The following RGS8 variants were observed in gnomAD, a reference collection of about 807,000 sequenced individuals.
RGS8 encodes regulator of G protein signaling 8, also known as regulator of G-protein signaling 8.
Under a neutral mutation model 21.7 loss-of-function variants are expected in RGS8, and 8 were observed. That is an observed-to-expected ratio of 0.37 (90% CI 0.22 to 0.66). RGS8 has a LOEUF of 0.66. Ranked by LOEUF, RGS8 falls within the 30% of genes least tolerant of loss-of-function variation. The probability of loss-of-function intolerance (pLI) is 0.59; values close to 1 mark genes in which losing one functional copy is unlikely to be tolerated. For synonymous variants in RGS8, 80 were observed against 83.6 expected (o/e 0.96, Z 0.24); for missense variants, 157 against 217.9 (o/e 0.72, Z 1.76).
chr1:182,739,974 A>C, the RGS8 span, among the ~76,000 whole-genome samples: 3 of 151,656 alleles, frequency 2.0e-5, no homozygotes, highest in Admixed American at 6.6e-5. Flanking sequence ...CCAACACCCA[A>C]CCCCCAACCC....
the RGS8 span, among the ~76,000 whole-genome samples, chr1:182,731,727 C>A: frequency 1.3e-5 from 2 of 152,168 alleles, no homozygotes; most frequent in African/African-American, 4.8e-5. Context: ...AATGAAAACA[C>A]AAAATTTAGA....
At chr1:182,674,729 A>T (rs2102450590), upstream of RGS8, among the ~76,000 whole-genome samples, 1 of 152,164 alleles carries the variant, frequency 6.6e-6, no homozygotes, top group South Asian at 2.1e-4. Flanking sequence ...ATCACCTTGG[A>T]CTCTACATTC....
At chr1:182,649,505 T>C (rs1355773884) in intron 5 of RGS8, among the ~76,000 whole-genome samples, 1 of 140,302 alleles carries the variant, frequency 7.1e-6, no homozygotes, top group East Asian at 2.5e-4. Context: ...TATCAAATTA[T>C]GTTTTAATTA....
upstream of RGS8, among the ~76,000 whole-genome samples, chr1:182,689,442 T>C (rs1191639789): frequency 6.6e-6 from 1 of 152,092 alleles, no homozygotes; most frequent in East Asian, 1.9e-4. Flanking sequence ...CTTTCTTTGC[T>C]CTCCTATACA....
chr1:182,676,200 T>C (rs576229338), upstream of RGS8, among the ~76,000 whole-genome samples: 5 of 152,306 alleles, frequency 3.3e-5, no homozygotes, highest in South Asian at 2.1e-4. Flanking sequence ...GAGAATGTAA[T>C]TAAATTGAAG....
intron 1 of RGS8, 41 bp from the exon 3 acceptor site, chr1:182,671,771 C>T (rs1262786991): frequency 1.2e-5 from 20 of 1,612,856 alleles, no homozygotes; most frequent in African/African-American, 6.7e-5. Context: ...GTCAAATCCT[C>T]GGCGAGTGAA....
the RGS8 span, among the ~76,000 whole-genome samples, chr1:182,745,990 A>C: frequency 1.3e-5 from 2 of 152,154 alleles, no homozygotes; most frequent in Admixed American, 1.3e-4. Context: ...CCCTATCCTG[A>C]CCTTCTTTTA....
chr1:182,730,217 A>G, the RGS8 span, among the ~76,000 whole-genome samples: 5 of 152,192 alleles, frequency 3.3e-5, no homozygotes, highest in African/African-American at 1.2e-4. Context: ...TCTGCTATCC[A>G]TAAGACACTC....
chr1:182,735,764 A>G, the RGS8 span, among the ~76,000 whole-genome samples: 1 of 152,238 alleles, frequency 6.6e-6, no homozygotes, highest in Non-Finnish European at 1.5e-5. Flanking sequence ...CAAGAGATGT[A>G]TCTGAAGGCA....
chr1:182,656,232 C>T (rs981973430), intron 5 of RGS8, among the ~76,000 whole-genome samples: 1 of 152,206 alleles, frequency 6.6e-6, no homozygotes, highest in Non-Finnish European at 1.5e-5. Context: ...TTCGGAGCCA[C>T]CCTCCTCTCT....
At chr1:182,660,225 C>G (rs1663520377) in intron 5 of RGS8, among the ~76,000 whole-genome samples, 1 of 152,146 alleles carries the variant, frequency 6.6e-6, no homozygotes, top group Non-Finnish European at 1.5e-5. Flanking sequence ...CTCATCATTC[C>G]CCTTCTACAG....
chr1:182,751,150 A>T, the RGS8 span, among the ~76,000 whole-genome samples: 662 of 152,348 alleles, frequency 4.3e-3, 4 homozygotes, highest in African/African-American at 0.015. Context: ...AGATAGAACT[A>T]AACAGAAAGA....
At chr1:182,734,065 C>G in the RGS8 span, among the ~76,000 whole-genome samples, 1 of 151,814 alleles carries the variant, frequency 6.6e-6, no homozygotes, top group Non-Finnish European at 1.5e-5. Flanking sequence ...GGATTACAGG[C>G]GCCTGCCACC....
downstream of RGS8, chr1:182,643,012 G>T (rs904935278): frequency 1.3e-5 from 2 of 152,250 alleles, no homozygotes; most frequent in African/African-American, 4.8e-5. Flanking sequence ...ACACAAGGGC[G>T]CAGGAAAACA....
Position 182,678,234 on chromosome 1 carries a change from G to A in RGS8, n.222-5302C>T, listed in dbSNP as rs79240607. 4.4e-3 allele frequency among the ~76,000 whole-genome samples: 668 copies of A among 152,258 alleles called. 3 individuals are homozygous for A. The highest frequency in any genetic ancestry group is 0.015 in the African/African-American group (637 of 41,538). On this transcript the variant is annotated intron_variant and non_coding_transcript_variant, in intron 1 of 4. Coordinates refer to the RGS8 transcript ENST00000515211. ...GGGTGGGAAGCTGGGTGGTAGGTAC[G>A]TAGGGACTCATTGTTCTGTTCTCTT...
chr1:182,720,852 C>T, the RGS8 span, among the ~76,000 whole-genome samples: 2 of 146,852 alleles, frequency 1.4e-5, no homozygotes, highest in African/African-American at 2.5e-5. Flanking sequence ...TGTGTGTATA[C>T]ATATATATAC....
the RGS8 span, among the ~76,000 whole-genome samples, chr1:182,742,676 C>A: frequency 0.052 from 7,980 of 152,138 alleles, 242 homozygotes; most frequent in Middle Eastern, 0.068. Flanking sequence ...TGCAGTGAGC[C>A]GAGATGGCAG....
the RGS8 span, among the ~76,000 whole-genome samples, chr1:182,703,797 G>A: frequency 6.6e-6 from 1 of 152,188 alleles, no homozygotes; most frequent in African/African-American, 2.4e-5. Context: ...CATTGACTGG[G>A]AAGTCAGGGA....
the RGS8 span, among the ~76,000 whole-genome samples, chr1:182,692,675 CAAAAAAAA>C: frequency 2.5e-4 from 7 of 28,028 alleles, no homozygotes; most frequent in Non-Finnish European, 7.0e-5. Flanking sequence ...CAATCCTAAG[CAAAAAAAA>C]AAAAAAAAAA....
Sources: allele counts gnomAD v4.1 joint callset (sites outside exome capture counted in the v4.1 genomes callset), GRCh38; gene constraint gnomAD v4.1.1; transcripts MANE v1.5; gene names NCBI Gene and HGNC (gene_info 2026-07-23, HGNC 2026-07-21).